L3MBTL4: variants seen among roughly 807,000 people sequenced by gnomAD.
L3MBTL4 encodes L3MBTL histone methyl-lysine binding protein 4, also known as lethal(3)malignant brain tumor-like protein 4.
In L3MBTL4, 70 loss-of-function variants were observed where a neutral mutation model predicts 84.5. The observed-to-expected ratio is 0.83, with a 90% confidence interval of 0.68 to 1.01. The LOEUF is 1.01. Ranked by LOEUF, L3MBTL4 falls within the 50% of genes least tolerant of loss-of-function variation. The pLI, the probability that L3MBTL4 is intolerant of heterozygous loss-of-function variation, is 0.00. For missense variants in L3MBTL4, 715 were observed against 754.8 expected, an observed-to-expected ratio of 0.95 and a Z score of 0.62; for synonymous variants, 274 against 259.8, an observed-to-expected ratio of 1.05 and a Z score of -0.52.
At chr18:6,088,186 A>G (rs2058322243) in intron 15 of L3MBTL4, among the ~76,000 whole-genome samples, 2 of 152,216 alleles carry the variant, frequency 1.3e-5, no homozygotes, top group Admixed American at 1.3e-4. Context: ...GCTGAGAGCA[A>G]GGATAGGACT....
chr18:6,078,478 G>A (rs1027886514), intron 16 of L3MBTL4, among the ~76,000 whole-genome samples: 12 of 150,072 alleles, frequency 8.0e-5, no homozygotes, highest in Non-Finnish European at 1.3e-4. Flanking sequence ...GAAGGACATG[G>A]GTACTGGATA....
Position 6,345,190 on chromosome 18 carries a change from G to A in L3MBTL4, c.-90-33134C>T, listed in dbSNP as rs188098695. ...TTTGAGACCAGCCTGGGCACCGATG[G>A]TGAAACCCCATCTCTACTAAAATAC... is the stretch of plus-strand genomic sequence containing the variant. On this transcript the variant is annotated intron_variant, in intron 1 of 18. Transcript: ENST00000317931. Among the ~76,000 whole-genome samples, 959 of 137,708 alleles carry A rather than the reference G, an allele frequency of 7.0e-3. 10 individuals are homozygous for A. The highest frequency in any genetic ancestry group is 0.025 in the African/African-American group (923 of 36,258). 90.3% of individuals were successfully genotyped at this position (137,708 alleles called of 152,430 possible).
At chr18:6,125,210 G>A (rs560127380) in intron 14 of L3MBTL4, among the ~76,000 whole-genome samples, 1 of 151,462 alleles carries the variant, frequency 6.6e-6, no homozygotes, top group African/African-American at 2.4e-5. Flanking sequence ...GGAGGGAGGG[G>A]AAAGGAAGGT....
intron 1 of L3MBTL4, among the ~76,000 whole-genome samples, chr18:6,405,478 G>A (rs1172207477): frequency 6.6e-6 from 1 of 152,222 alleles, no homozygotes; most frequent in Non-Finnish European, 1.5e-5. Context: ...CCTTGGCAAG[G>A]ATATTCTCAC....
chr18:6,071,675 AAGAAAG>A (rs1398271885), intron 16 of L3MBTL4, among the ~76,000 whole-genome samples: 66 of 106,002 alleles, frequency 6.2e-4, no homozygotes, highest in African/African-American at 2.6e-3. Flanking sequence ...GAAGGAAAAA[AAGAAAG>A]AGAGAAAGAA....
intron 16 of L3MBTL4, among the ~76,000 whole-genome samples, chr18:6,008,024 C>G (rs525561): frequency 0.75 from 114,905 of 152,216 alleles, 43,781 homozygotes; most frequent in Non-Finnish European, 0.78. Context: ...AAAGGCAAAA[C>G]AAAATGCTAA....
At chr18:6,101,207 T>G (rs2058813524) in intron 14 of L3MBTL4, among the ~76,000 whole-genome samples, 1 of 152,192 alleles carries the variant, frequency 6.6e-6, no homozygotes, top group Non-Finnish European at 1.5e-5. Context: ...GGTTTTCCGC[T>G]TCTCCAACAA....
intron 16 of L3MBTL4, among the ~76,000 whole-genome samples, chr18:6,005,679 T>C (rs1037022965): frequency 1.3e-5 from 2 of 152,210 alleles, no homozygotes; most frequent in Non-Finnish European, 2.9e-5. Context: ...TCATTTTTTT[T>C]ACGGCCATGT....
chr18:6,377,981 G>A (rs967689393), intron 1 of L3MBTL4, among the ~76,000 whole-genome samples: 1 of 152,134 alleles, frequency 6.6e-6, no homozygotes, highest in Admixed American at 6.5e-5. Context: ...TCCAGCACCT[G>A]TTGTTTCCTG....
intron 1 of L3MBTL4, among the ~76,000 whole-genome samples, chr18:6,357,080 A>G (rs2053481690): frequency 6.6e-6 from 1 of 152,134 alleles, no homozygotes; most frequent in African/African-American, 2.4e-5. Context: ...GTCATTGTGC[A>G]CCACGTGACT....
chr18:6,046,716 G>A (rs370126005), intron 16 of L3MBTL4: 25 of 771,778 alleles, frequency 3.2e-5, no homozygotes, highest in Non-Finnish European at 4.6e-5. Context: ...TGAAAACAGA[G>A]ATACAACTTA....
chr18:5,955,857 T>A lies in L3MBTL4; in HGVS notation c.*363A>T. 1 of 173,546 alleles carries A rather than the reference T, an allele frequency of 5.8e-6. No individual in the cohort carries two copies. Among genetic ancestry groups the A allele is most frequent in the Non-Finnish European group, 1.2e-5 (1 of 82,314 alleles). 10.8% of individuals were successfully genotyped at this position (173,546 alleles called of 1,614,324 possible). A position where few individuals can be genotyped will look rare whatever the true frequency, so the allele number is the denominator to read the frequency against. ...TCATGAACACTGCTTTTCTAATATTTCACCACTTGAGAGTGTTATGCTTGT... is the reference window on the plus strand; with the variant it reads ...TCATGAACACTGCTTTTCTAATATTACACCACTTGAGAGTGTTATGCTTGT... On this transcript the variant is annotated 3_prime_UTR_variant, in exon 19 of 19. Transcript: ENST00000317931.
intron 16 of L3MBTL4, among the ~76,000 whole-genome samples, chr18:6,023,885 A>T (rs1395325419): frequency 6.6e-6 from 1 of 152,174 alleles, no homozygotes; most frequent in African/African-American, 2.4e-5. Context: ...AACCCAATGC[A>T]GTTCAGCTGC....
At chr18:6,409,377 A>C (rs999569512) in intron 1 of L3MBTL4, among the ~76,000 whole-genome samples, 2 of 152,240 alleles carry the variant, frequency 1.3e-5, no homozygotes, top group African/African-American at 4.8e-5. Flanking sequence ...AACGATGAAA[A>C]TTAAGCAATG....
intron 13 of L3MBTL4, among the ~76,000 whole-genome samples, chr18:6,140,237 C>T (rs542952572): frequency 6.6e-6 from 1 of 152,324 alleles, no homozygotes; most frequent in Admixed American, 6.5e-5. Context: ...TCAGCCCCTT[C>T]TGAGGGGCCA....
chr18:6,310,154 G>A (rs1395867631), intron 3 of L3MBTL4, among the ~76,000 whole-genome samples: 1 of 152,184 alleles, frequency 6.6e-6, no homozygotes, highest in South Asian at 2.1e-4. Flanking sequence ...CAAATCCTGA[G>A]TCTCCTCGTG....
intron 10 of L3MBTL4, among the ~76,000 whole-genome samples, chr18:6,232,515 T>C (rs2047039609): frequency 6.6e-6 from 1 of 152,060 alleles, no homozygotes; most frequent in Non-Finnish European, 1.5e-5. Context: ...GGGCTTTTCT[T>C]TGTCAGGAGG....
chr18:6,022,064 T>C (rs537497135), intron 16 of L3MBTL4, among the ~76,000 whole-genome samples: 24 of 152,296 alleles, frequency 1.6e-4, no homozygotes, highest in African/African-American at 5.3e-4. Flanking sequence ...CTAATAAACA[T>C]TTTCTCTGTG....
chr18:6,382,931 G>A (rs939037363), intron 1 of L3MBTL4, among the ~76,000 whole-genome samples: 1 of 152,144 alleles, frequency 6.6e-6, no homozygotes, highest in Non-Finnish European at 1.5e-5. Flanking sequence ...CTTCCCCCAG[G>A]TGCTCTGTCC....
Sources: gnomAD v4.1 joint callset for allele counts (sites outside exome capture counted in the v4.1 genomes callset) on GRCh38, gnomAD v4.1.1 for gene constraint, MANE v1.5 for transcripts, NCBI Gene and HGNC (gene_info 2026-07-23, HGNC 2026-07-21) for gene names.